HIBCH: variants seen among roughly 807,000 people sequenced by gnomAD.
HIBCH encodes the protein 3-hydroxyisobutyryl-CoA hydrolase, mitochondrial.
HIBCH carries 50 observed loss-of-function variants against 58.2 expected under a neutral mutation model. That is an observed-to-expected ratio of 0.86 (90% CI 0.68 to 1.09). The LOEUF (loss-of-function observed/expected upper bound fraction) is 1.09. HIBCH is among the 50% of genes least tolerant of loss of function. HIBCH has a pLI of 0.00. For missense variants in HIBCH, 450 were observed against 449.7 expected (o/e 1.00, Z -0.01); for synonymous variants, 151 against 146.9 (o/e 1.03, Z -0.20).
Position 190,310,779 on chromosome 2 carries a change from C to T in HIBCH, c.53G>A (p.Arg18Lys), listed in dbSNP as rs772966095. The part of the protein sequence containing the change: ...RLMSRFNAFK[R>K]TNTILHHLRM... ...CAAATGGTGCAGTATGGTATTAGTC[C>T]TTTTGAATGCATTAAACCTGAAACA... Residue 18 changes from arginine to lysine, a missense_variant, in exon 2 of 14, where the codon AGG becomes AAG. Transcript: ENST00000359678. 3.1e-6 allele frequency: 5 copies of T among 1,609,806 alleles called. No homozygotes were observed. In the Admixed American group the frequency reaches 8.3e-5, roughly 27 times the overall value.
Position 190,207,266 on chromosome 2 carries a change from A to G in HIBCH, c.1045+1614T>C, listed in dbSNP as rs374615889. Among the ~76,000 whole-genome samples, 2 of 152,334 alleles carry G rather than the reference A, an allele frequency of 1.3e-5. No individual in the cohort carries two copies. Among genetic ancestry groups the G allele is most frequent in the South Asian group, 2.1e-4 (1 of 4,834 alleles). On this transcript the variant is annotated intron_variant, in intron 13 of 13. Transcript: ENST00000359678. This position sits in a 1 kb window ranked among gnomAD's most constrained non-coding sequence, Gnocchi z 4.5. ...GTATCTTTCTTTTTAAAGAAGGGCT[A>G]TTATAACATATAATGAATACTTTAA... is the stretch of plus-strand genomic sequence containing the variant.
chr2:190,242,080 G>A (rs957626178), intron 11 of HIBCH, among the ~76,000 whole-genome samples: 34 of 152,092 alleles, frequency 2.2e-4, no homozygotes, highest in African/African-American at 7.0e-4. Flanking sequence ...CCATTCTCCC[G>A]TCACTTTCAG....
At position 190,301,366 on chromosome 2, in the gene HIBCH, A is replaced by C. The variant is rs142142777; in HGVS notation, c.79-4413T>G. The stretch of plus-strand genomic sequence containing the variant: ...TTCATCTCAAAAGAGAAGCACTTCA[A>C]GACCATAGCCTAAGGACCTTAGTGT... On this transcript the variant is annotated intron_variant, in intron 2 of 13. Transcript: ENST00000359678. 4.1e-3 allele frequency among the ~76,000 whole-genome samples: 628 copies of C among 152,376 alleles called. 1 individual carries two copies. Among genetic ancestry groups the C allele is most frequent in the South Asian group, 0.013 (63 of 4,830 alleles).
At chr2:190,316,179 C>G (rs140196590) in intron 1 of HIBCH, among the ~76,000 whole-genome samples, 1 of 152,292 alleles carries the variant, frequency 6.6e-6, no homozygotes, top group African/African-American at 2.4e-5. Flanking sequence ...GGGTCTCACT[C>G]TGTCACCCAG....
chr2:190,264,191 C>T (rs1687168065), intron 6 of HIBCH, among the ~76,000 whole-genome samples: 1 of 152,106 alleles, frequency 6.6e-6, no homozygotes, highest in African/African-American at 2.4e-5. Flanking sequence ...GATCTGGTCC[C>T]CTTCTACCTT....
At chr2:190,249,558 T>C (rs760070228) in intron 9 of HIBCH, 82 bp downstream of exon 9, 12 of 761,936 alleles carry the variant, frequency 1.6e-5, no homozygotes, top group Non-Finnish European at 2.3e-5. Flanking sequence ...TTACAAACTA[T>C]AATATTCACC....
At chr2:190,287,111 G>C (rs1261107631) in intron 6 of HIBCH, among the ~76,000 whole-genome samples, 91 of 151,104 alleles carry the variant, frequency 6.0e-4, no homozygotes, top group Non-Finnish European at 2.9e-5. Flanking sequence ...ACCCAGGCTG[G>C]AGTGCAGTGG....
chr2:190,297,202 C>T (rs1688128281), intron 2 of HIBCH, among the ~76,000 whole-genome samples: 2 of 152,062 alleles, frequency 1.3e-5, no homozygotes, highest in African/African-American at 4.8e-5. Flanking sequence ...TATATAGAGC[C>T]CAGTCTAGAA....
At chr2:190,196,829 G>C (rs1311922626) in intron 1 of HIBCH, among the ~76,000 whole-genome samples, 1 of 152,132 alleles carries the variant, frequency 6.6e-6, no homozygotes, top group Non-Finnish European at 1.5e-5. Context: ...GAGCTGAGTA[G>C]TTGTAACATA....
intron 8 of HIBCH, 120 bp from the exon 9 acceptor site, chr2:190,249,846 AG>A: frequency 2.8e-6 from 2 of 709,292 alleles, no homozygotes; most frequent in Non-Finnish European, 4.9e-6. Flanking sequence ...CTGTCTCTTC[AG>A]GTGAATCACT....
chr2:190,272,913 G>T (rs1364258965), intron 6 of HIBCH, among the ~76,000 whole-genome samples: 1 of 152,014 alleles, frequency 6.6e-6, no homozygotes, highest in Non-Finnish European at 1.5e-5. Context: ...CAGACAAGTA[G>T]TAAAATACAA....
chr2:190,194,516 ACACG>A (rs1443226340), intron 1 of HIBCH, among the ~76,000 whole-genome samples: 69 of 149,694 alleles, frequency 4.6e-4, no homozygotes, highest in African/African-American at 1.5e-3. Flanking sequence ...ACACACACAC[ACACG>A]CAGCATCTCC....
intron 4 of HIBCH, among the ~76,000 whole-genome samples, chr2:190,292,900 C>T (rs1470162017): frequency 6.6e-6 from 1 of 151,976 alleles, no homozygotes. Context: ...ATTAAATGTC[C>T]TTCACAATCA....
intron 1 of HIBCH, among the ~76,000 whole-genome samples, chr2:190,191,369 T>C (rs1007894451): frequency 6.6e-6 from 1 of 152,170 alleles, no homozygotes; most frequent in African/African-American, 2.4e-5. Context: ...GGTCTCAAAC[T>C]CCTGACCTCA....
chr2:190,248,860 CAAAACAAAAAAAA>C (rs1438024405), intron 9 of HIBCH, among the ~76,000 whole-genome samples: 7 of 109,692 alleles, frequency 6.4e-5, no homozygotes, highest in Admixed American at 9.5e-5. Flanking sequence ...GACTCTGCTT[CAAAACAAAAAAAA>C]AAAACAAAAA....
intron 7 of HIBCH, among the ~76,000 whole-genome samples, chr2:190,258,442 G>A (rs370966136): frequency 5.5e-4 from 83 of 152,284 alleles, no homozygotes; most frequent in African/African-American, 1.9e-3. Flanking sequence ...AAGTGACTTG[G>A]GAACTAGGCA....
chr2:190,234,924 C>A (rs1445306749), intron 11 of HIBCH, among the ~76,000 whole-genome samples: 1 of 152,018 alleles, frequency 6.6e-6, no homozygotes, highest in Non-Finnish European at 1.5e-5. Flanking sequence ...AGTAGGAGGG[C>A]ACACAAGTAA....
intron 6 of HIBCH, among the ~76,000 whole-genome samples, chr2:190,270,834 T>C (rs1405620548): frequency 6.6e-6 from 1 of 152,172 alleles, no homozygotes; most frequent in Non-Finnish European, 1.5e-5. Context: ...AACGGGCTCA[T>C]ATTGCATCTT....
chr2:190,290,722 G>A (rs1687937628), intron 4 of HIBCH, among the ~76,000 whole-genome samples: 2 of 152,160 alleles, frequency 1.3e-5, no homozygotes, highest in Admixed American at 6.5e-5. Flanking sequence ...CTTACAAAAT[G>A]TTAGATTAGA....
Sources: gnomAD v4.1 joint callset for allele counts (sites outside exome capture counted in the v4.1 genomes callset) on GRCh38, gnomAD v4.1.1 for gene constraint, Gnocchi (gnomAD v3.1) non-coding constraint, MANE v1.5 for transcripts, NCBI Gene and HGNC (gene_info 2026-07-23, HGNC 2026-07-21) for gene names.